Variants in TCF7L1 observed in about 807,000 individuals in gnomAD.
TCF7L1 encodes transcription factor 7 like 1, also known as transcription factor 7-like 1.
A neutral mutation model predicts 63.7 loss-of-function variants in TCF7L1; 18 were observed. That is an observed-to-expected ratio of 0.28 (90% CI 0.20 to 0.42). TCF7L1 has a LOEUF of 0.42. TCF7L1 is among the 10% of genes least tolerant of loss of function. TCF7L1 has a pLI of 1.00. For synonymous variants in TCF7L1, 355 were observed against 340.9 expected (o/e 1.04, Z -0.46); for missense variants, 654 against 779.3 (o/e 0.84, Z 1.91).
intron 3 of TCF7L1, among the ~76,000 whole-genome samples, chr2:85,182,676 C>G (rs1678831492): frequency 6.6e-6 from 1 of 152,170 alleles, no homozygotes; most frequent in Non-Finnish European, 1.5e-5. Flanking sequence ...GACAGAATAA[C>G]CACTTTCAAA....
At chr2:85,305,951 C>A (rs1486753694) in intron 8 of TCF7L1, among the ~76,000 whole-genome samples, 1 of 152,112 alleles carries the variant, frequency 6.6e-6, no homozygotes, top group Non-Finnish European at 1.5e-5. Flanking sequence ...TCTCAGCAAC[C>A]CCACCATGCT....
At chr2:85,194,998 C>T (rs1022480012) in intron 3 of TCF7L1, among the ~76,000 whole-genome samples, 4 of 152,234 alleles carry the variant, frequency 2.6e-5, no homozygotes, top group Non-Finnish European at 4.4e-5. Context: ...GTCCCACCCC[C>T]GAGGTAACAG....
At chr2:85,224,036 T>A (rs1276583234) in intron 3 of TCF7L1, among the ~76,000 whole-genome samples, 1 of 152,184 alleles carries the variant, frequency 6.6e-6, no homozygotes, top group African/African-American at 2.4e-5. Context: ...GGACATGCAG[T>A]GTTTGGTTTC....
chr2:85,186,175 G>A (rs899543735), intron 3 of TCF7L1, among the ~76,000 whole-genome samples: 3 of 152,044 alleles, frequency 2.0e-5, no homozygotes, highest in Non-Finnish European at 4.4e-5. Flanking sequence ...CATCGTGTTA[G>A]CCAGGATGGT....
At chr2:85,214,212 C>A (rs891637341) in intron 3 of TCF7L1, among the ~76,000 whole-genome samples, 2 of 152,180 alleles carry the variant, frequency 1.3e-5, no homozygotes, top group African/African-American at 2.4e-5. Flanking sequence ...GTCAGCGTGT[C>A]AAGGATGACG....
intron 3 of TCF7L1, among the ~76,000 whole-genome samples, chr2:85,255,333 A>T (rs1431937778): frequency 6.6e-6 from 1 of 152,122 alleles, no homozygotes; most frequent in Non-Finnish European, 1.5e-5. Context: ...GACCATTCCC[A>T]TACCTCACAG....
intron 3 of TCF7L1, among the ~76,000 whole-genome samples, chr2:85,236,923 G>A (rs1680205664): frequency 6.6e-6 from 1 of 152,156 alleles, no homozygotes; most frequent in Non-Finnish European, 1.5e-5. Context: ...CACGGGGCGA[G>A]GGCATCAGCT....
chr2:85,268,254 G>C (rs1681027720), intron 3 of TCF7L1, among the ~76,000 whole-genome samples: 1 of 152,082 alleles, frequency 6.6e-6, no homozygotes, highest in South Asian at 2.1e-4. Flanking sequence ...GCTAAATTAG[G>C]GTCTGTGGCA....
chr2:85,249,930 T>TTAAG (rs1167258465), intron 3 of TCF7L1, among the ~76,000 whole-genome samples: 1 of 152,194 alleles, frequency 6.6e-6, no homozygotes, highest in Non-Finnish European at 1.5e-5. Context: ...GTTCTGAGGA[T>TTAAG]TAAGTGAGTT....
chr2:85,158,438 T>G (rs542120061), intron 3 of TCF7L1, among the ~76,000 whole-genome samples: 129 of 152,298 alleles, frequency 8.5e-4, no homozygotes, highest in Non-Finnish European at 1.5e-3. Flanking sequence ...GCAGGCTGTC[T>G]TAGTGCTTAT....
In TCF7L1 at chr2:85,204,291, TCCCC is replaced by T. The variant is rs58706474; in HGVS notation, c.441+69852_441+69855del. On this transcript the variant is annotated intron_variant, in intron 3 of 11. Transcript: ENST00000282111. ...TGTTATTTCTATTTGATAACTTGCT[TCCCC>T]CCCCCCCCCCACTTAATAGGGTATC... is the stretch of plus-strand genomic sequence containing the variant. Among the ~76,000 whole-genome samples, 10 of 22,058 alleles carry T rather than the reference TCCCC, an allele frequency of 4.5e-4. 1 individual carries two copies. Among genetic ancestry groups the T allele is most frequent in the African/African-American group, 1.9e-3 (10 of 5,374 alleles). The allele number at this position is 22,058 out of a possible 152,430, so 14.5% of individuals were successfully genotyped here.
chr2:85,250,662 C>T (rs1680567776), intron 3 of TCF7L1, among the ~76,000 whole-genome samples: 1 of 152,180 alleles, frequency 6.6e-6, no homozygotes, highest in South Asian at 2.1e-4. Flanking sequence ...GTCTCGAACT[C>T]CTGGCCTCAA....
At chr2:85,219,148 A>G (rs886520482) in intron 3 of TCF7L1, among the ~76,000 whole-genome samples, 2 of 151,952 alleles carry the variant, frequency 1.3e-5, no homozygotes, top group Non-Finnish European at 2.9e-5. Flanking sequence ...GTGAAACCCC[A>G]TCTCAAAAAA....
intron 3 of TCF7L1, among the ~76,000 whole-genome samples, chr2:85,241,431 GTTTTTGTTTTTTTTT>G (rs1680323881): frequency 4.4e-5 from 3 of 68,782 alleles, no homozygotes; most frequent in African/African-American, 1.6e-4. Context: ...GATGCACTTT[GTTTTTGTTTTTTTTT>G]TTTTTTTTTT....
At chr2:85,291,556 T>A (rs1681716852) in intron 4 of TCF7L1, among the ~76,000 whole-genome samples, 2 of 147,316 alleles carry the variant, frequency 1.4e-5, no homozygotes, top group African/African-American at 5.2e-5. Flanking sequence ...TTTGTTTTGG[T>A]TTTAGTTTTG....
intron 3 of TCF7L1, among the ~76,000 whole-genome samples, chr2:85,173,274 C>A (rs180965181): frequency 6.6e-6 from 1 of 152,062 alleles, no homozygotes; most frequent in African/African-American, 2.4e-5. Context: ...ACAGACCTGC[C>A]CTTGCACAGT....
intron 3 of TCF7L1, among the ~76,000 whole-genome samples, chr2:85,280,865 C>T (rs1372449140): frequency 6.6e-6 from 1 of 152,052 alleles, no homozygotes; most frequent in African/African-American, 2.4e-5. Context: ...GAGAAGGCTG[C>T]GGGTGGAGAG....
intron 3 of TCF7L1, among the ~76,000 whole-genome samples, chr2:85,250,106 G>A (rs904091984): frequency 6.6e-6 from 1 of 152,216 alleles, no homozygotes; most frequent in Non-Finnish European, 1.5e-5. Flanking sequence ...TATAAGCAGT[G>A]ATGTACTGGT....
chr2:85,299,345 T>TGACATCGCCTGATG (rs1364906200), intron 4 of TCF7L1, among the ~76,000 whole-genome samples: 1 of 147,500 alleles, frequency 6.8e-6, no homozygotes, highest in African/African-American at 2.5e-5. Context: ...ATGTCAGGAG[T>TGACATCGCCTGATG]TCAAAACCAG....
Sources: gnomAD v4.1 joint callset for allele counts (sites outside exome capture counted in the v4.1 genomes callset) on GRCh38, gnomAD v4.1.1 for gene constraint, MANE v1.5 for transcripts, NCBI Gene and HGNC (gene_info 2026-07-23, HGNC 2026-07-21) for gene names.